The following PKP2 variants were observed in gnomAD, a reference collection of about 807,000 sequenced individuals.
The protein encoded by PKP2 is plakophilin-2.
Under a neutral mutation model 83.4 loss-of-function variants are expected in PKP2, and 73 were observed. The ratio of observed to expected loss-of-function variants is 0.88; its 90% CI spans 0.72 to 1.06. The LOEUF is 1.06. Among genes scored for constraint, PKP2 ranks in the 50% least tolerant of loss-of-function variants. The pLI is 0.00. For synonymous variants in PKP2, 409 were observed against 430.4 expected (o/e 0.95, Z 0.62); for missense variants, 966 against 1,065.4 (o/e 0.91, Z 1.30).
Position 32,896,592 on chromosome 12 carries a change from C to T in PKP2, c.140G>A (p.Gly47Asp). 1 of 1,587,398 alleles carries T rather than the reference C, an allele frequency of 6.3e-7. No homozygotes were observed. Among genetic ancestry groups the T allele is most frequent in the Non-Finnish European group, 8.5e-7 (1 of 1,175,936 alleles). The change falls in exon 1 of 13, where the codon GGC (glycine) becomes GAC (aspartate). Residue 47 changes from glycine to aspartate, a missense_variant. Gly to Asp is a moderately conservative substitution (Grantham distance 94, BLOSUM62 -1). Transcript: ENST00000340811. ...KLKLAGSSGR[G>D]GQTVKSLRIQ... Reference sequence around the variant, plus strand: ...CCGCAGGCTCTTGACTGTCTGGCCGCCGCGGCCGCTGCTCCCCGCCAGCTT... The same window carrying T: ...CCGCAGGCTCTTGACTGTCTGGCCGTCGCGGCCGCTGCTCCCCGCCAGCTT...
chr12:32,872,918 A>C (rs960201333), intron 3 of PKP2, among the ~76,000 whole-genome samples: 2 of 152,210 alleles, frequency 1.3e-5, no homozygotes, highest in African/African-American at 4.8e-5. Flanking sequence ...TAGAGTTGAA[A>C]GAGATGAAAA....
At chr12:32,868,309 G>A (rs1351823578) in intron 4 of PKP2, among the ~76,000 whole-genome samples, 1 of 151,180 alleles carries the variant, frequency 6.6e-6, no homozygotes, top group Non-Finnish European at 1.5e-5. Context: ...TGCCTCCCGG[G>A]TTCAAGCAAT....
chr12:32,823,201 G>T (rs941867073), intron 7 of PKP2, among the ~76,000 whole-genome samples: 7 of 152,078 alleles, frequency 4.6e-5, no homozygotes, highest in African/African-American at 1.7e-4. Flanking sequence ...ATCACCTGAG[G>T]TCAGGAGTTC....
chr12:32,797,560 C>CTTTTTTTTTT (rs751510872), intron 10 of PKP2, among the ~76,000 whole-genome samples: 6,187 of 132,202 alleles, frequency 0.047, 244 homozygotes, highest in Non-Finnish European at 0.07. Flanking sequence ...GAACTAAAAT[C>CTTTTTTTTTT]TTTTTTTTTT....
At chr12:32,818,375 T>C (rs974890958) in intron 9 of PKP2, among the ~76,000 whole-genome samples, 2 of 152,050 alleles carry the variant, frequency 1.3e-5, no homozygotes, top group Non-Finnish European at 2.9e-5. Context: ...GCACGAGAAT[T>C]ACTTGAACCC....
intron 4 of PKP2, among the ~76,000 whole-genome samples, chr12:32,864,331 C>G (rs981172657): frequency 6.7e-6 from 1 of 149,022 alleles, no homozygotes; most frequent in Middle Eastern, 3.6e-3. Flanking sequence ...CACACACACA[C>G]ACACACATAC....
chr12:32,865,298 C>A (rs1956837037), intron 4 of PKP2, among the ~76,000 whole-genome samples: 1 of 149,968 alleles, frequency 6.7e-6, no homozygotes, highest in Non-Finnish European at 1.5e-5. Flanking sequence ...TCACTTGAAG[C>A]CAGAAGGCGG....
At chr12:32,817,892 G>A (rs1956334645) in intron 9 of PKP2, among the ~76,000 whole-genome samples, 1 of 152,166 alleles carries the variant, frequency 6.6e-6, no homozygotes, top group Non-Finnish European at 1.5e-5. Context: ...ATTAGTGCTT[G>A]AGCTCCACTT....
rs1956071261 is a variant in PKP2, at chr12:32,791,950, A to C, written c.*474T>G. ...ATTATACTTTCTCCTGGATAACTGC[A>C]GATATTTCTTGTCATTTCCATTCTG... is the stretch of plus-strand genomic sequence containing the variant. On this transcript the variant is annotated 3_prime_UTR_variant, in exon 13 of 13. Coordinates refer to ENST00000340811, the MANE Select transcript of PKP2 (RefSeq NM_001005242.3). 1 of 181,146 alleles carries C rather than the reference A, an allele frequency of 5.5e-6. No homozygotes were observed. Among genetic ancestry groups the C allele is most frequent in the African/African-American group, 2.4e-5 (1 of 41,714 alleles). The allele number at this position is 181,146 out of a possible 1,614,324, so 11.2% of individuals were successfully genotyped here.
intron 4 of PKP2, among the ~76,000 whole-genome samples, chr12:32,867,561 C>G (rs568313306): frequency 5.3e-5 from 8 of 152,064 alleles, no homozygotes. Context: ...ATTTAGACAA[C>G]AGAAATCTAT....
intron 5 of PKP2, 120 bp from the exon 6 acceptor site, chr12:32,841,325 T>C (rs12313009): frequency 7.5e-5 from 58 of 775,712 alleles, no homozygotes; most frequent in Non-Finnish European, 1.2e-4. Context: ...ATTTGGGGGG[T>C]TGGGGGGCCA....
chr12:32,871,071 C>A (rs1956892466), intron 3 of PKP2, among the ~76,000 whole-genome samples: 1 of 152,056 alleles, frequency 6.6e-6, no homozygotes, highest in Non-Finnish European at 1.5e-5. Flanking sequence ...CATAACACGG[C>A]ATACATTCTG....
At position 32,850,873 on chromosome 12, in the gene PKP2, A is replaced by G. The variant is rs397516990; in HGVS notation, c.1271T>C (p.Phe424Ser). Residue 424 changes from phenylalanine (F) to serine (S), a missense_variant, in exon 5 of 13, where the codon TTT (phenylalanine) becomes TCT (serine). Phe to Ser is a radical substitution (Grantham distance 155, BLOSUM62 -2). Transcript: ENST00000340811. ...CTCCAATTTGTTGTCATTGTCTTCA[A>G]ATACTAAGTTTCTCAAGGCCCCACA... Reference protein sequence around the residue: ...AVCGALRNLVFEDNDNKLEVA... With the variant: ...AVCGALRNLVSEDNDNKLEVA... The G allele has an allele frequency of 6.2e-7, 1 of 1,613,976 alleles. No individual in the cohort carries two copies. Among genetic ancestry groups the G allele is most frequent in the Non-Finnish European group, 8.5e-7 (1 of 1,179,906 alleles).
chr12:32,872,395 G>A (rs977861704), intron 3 of PKP2, among the ~76,000 whole-genome samples: 22 of 152,036 alleles, frequency 1.4e-4, no homozygotes, highest in Middle Eastern at 3.2e-3. Context: ...TTAGCTGGGC[G>A]TGGTGGCGGG....
chr12:32,881,407 T>C (rs2137960889), intron 1 of PKP2, among the ~76,000 whole-genome samples: 1 of 152,194 alleles, frequency 6.6e-6, no homozygotes, highest in African/African-American at 2.4e-5. Context: ...ACTTGGACCT[T>C]AAATAAAGAA....
intron 6 of PKP2, among the ~76,000 whole-genome samples, chr12:32,830,923 CT>C (rs1956495438): frequency 6.7e-6 from 1 of 149,488 alleles, no homozygotes; most frequent in African/African-American, 2.5e-5. Context: ...AAAAAAAATC[CT>C]TTAGCTCTGC....
chr12:32,829,763 G>A (rs1373055808), intron 6 of PKP2, among the ~76,000 whole-genome samples: 4 of 151,934 alleles, frequency 2.6e-5, no homozygotes, highest in Non-Finnish European at 4.4e-5. Flanking sequence ...CAAGTTCAAC[G>A]GGTTCTCCTT....
Position 32,877,848 on chromosome 12 carries a change from C to T in PKP2, c.1032G>A (p.Leu344=). The change falls in exon 3 of 13, where the codon CTG becomes CTA. Residue 344 remains leucine (L), a splice_region_variant and synonymous_variant. Coordinates refer to ENST00000340811, the MANE Select transcript of PKP2 (RefSeq NM_001005242.3). ...TGCAGAGTCAGGAGGGGACTTACCC[C>T]AGCTGGGAGTCAGTGAAAGTGCTTC... The part of the protein sequence containing the change: ...TERSTFTDSQ[L]GNADMEMTLE... The T allele has an allele frequency of 5.6e-6, 9 of 1,610,408 alleles. No homozygotes were observed. Among genetic ancestry groups the T allele is most frequent in the Non-Finnish European group, 7.6e-6 (9 of 1,176,676 alleles).
At chr12:32,797,684 T>G (rs191452487) in intron 10 of PKP2, among the ~76,000 whole-genome samples, 3 of 150,528 alleles carry the variant, frequency 2.0e-5, no homozygotes, top group African/African-American at 7.3e-5. Flanking sequence ...GCCTCCCGAG[T>G]AGCTGGGATT....
Sources: allele counts gnomAD v4.1 joint callset (sites outside exome capture counted in the v4.1 genomes callset), GRCh38; gene constraint gnomAD v4.1.1; transcripts MANE v1.5; gene names NCBI Gene and HGNC (gene_info 2026-07-23, HGNC 2026-07-21).